Variants in HRK observed in about 807,000 individuals in gnomAD.
The protein encoded by HRK is harakiri, BCL2 interacting protein, also known as activator of apoptosis harakiri.
Under a neutral mutation model 5.9 loss-of-function variants are expected in HRK, and 6 were observed. The observed-to-expected ratio is 1.02, with a 90% CI of 0.56 to 2.01. HRK has a LOEUF of 2.01. Among genes scored for constraint, HRK ranks in the 30% most tolerant of loss-of-function variants. The pLI is 0.00. For synonymous variants in HRK, 85 were observed against 65.1 expected, an observed-to-expected ratio of 1.31 and a Z score of -1.47; for missense variants, 133 against 128.3, an observed-to-expected ratio of 1.04 and a Z score of -0.18.
At chr12:116,864,931 T>C (rs1878485497) in intron 1 of HRK, among the ~76,000 whole-genome samples, 1 of 152,260 alleles carries the variant, frequency 6.6e-6, no homozygotes, top group South Asian at 2.1e-4. Context: ...CGTAAAGAAT[T>C]TTCTCAGATG....
At chr12:116,867,457 A>G (rs1878587706) in intron 1 of HRK, among the ~76,000 whole-genome samples, 5 of 152,086 alleles carry the variant, frequency 3.3e-5, no homozygotes, top group Admixed American at 3.3e-4. Context: ...AAAAATTTTT[A>G]ATTAGCCAAT....
chr12:116,881,285 C>G lies in HRK; in HGVS notation c.23G>C (p.Arg8Pro), dbSNP rs1879147816. The change falls in exon 1 of 2, where the codon CGC (arginine) becomes CCC (proline). Residue 8 changes from arginine to proline, a missense_variant. Arg to Pro is a moderately radical substitution (Grantham distance 103, BLOSUM62 -2). Coordinates refer to ENST00000257572, the MANE Select transcript of HRK (RefSeq NM_003806.4). MCPCPLHRGRGPPAVCAC... is the reference protein window; with the variant it reads MCPCPLHPGRGPPAVCAC... Reference sequence around the variant, plus strand: ...GCACACGGCCGGGGGGCCGCGGCCGCGGTGCAGGGGGCACGGGCACATGAC... The same window carrying G: ...GCACACGGCCGGGGGGCCGCGGCCGGGGTGCAGGGGGCACGGGCACATGAC... 1 of 1,073,418 alleles carries G rather than the reference C, an allele frequency of 9.3e-7. No homozygotes were observed. The highest frequency in any genetic ancestry group is 1.1e-6 in the Non-Finnish European group (1 of 888,550). 66.5% of individuals were successfully genotyped at this position (1,073,418 alleles called of 1,614,324 possible).
chr12:116,876,741 T>C (rs1004535311), intron 1 of HRK: 2 of 150,630 alleles, frequency 1.3e-5, no homozygotes, highest in African/African-American at 4.9e-5. Flanking sequence ...TATTGACTGG[T>C]TAAATCATAC....
intron 1 of HRK, among the ~76,000 whole-genome samples, chr12:116,871,432 A>G (rs1259926872): frequency 6.6e-6 from 1 of 151,558 alleles, no homozygotes; most frequent in Non-Finnish European, 1.5e-5. Flanking sequence ...CCTCCCAAGT[A>G]GCTGGGACTA....
At chr12:116,877,073 AAG>A (rs1878960190) in intron 1 of HRK, among the ~76,000 whole-genome samples, 1 of 152,192 alleles carries the variant, frequency 6.6e-6, no homozygotes, top group Non-Finnish European at 1.5e-5. Context: ...TTTTTGAGAC[AAG>A]AGTCTCACTT....
rs551080792 is a variant in HRK, at chr12:116,880,829, T to C, written c.*56+147A>G. 11 of 326,520 alleles carry C rather than the reference T, an allele frequency of 3.4e-5. No individual in the cohort carries two copies. The Admixed American group carries it at 5.5e-4, about 16-fold the overall frequency. 20.2% of individuals were successfully genotyped at this position (326,520 alleles called of 1,614,324 possible). On this transcript the variant is annotated intron_variant, in intron 1 of 1. Coordinates refer to ENST00000257572, the MANE Select transcript of HRK (RefSeq NM_003806.4). ...TGGGGACTGGGTAGAAGAGGAGAGG[T>C]GGAGATGCTTGCAAGAGAAGAGAAC...
intron 1 of HRK, among the ~76,000 whole-genome samples, chr12:116,868,611 C>T (rs892857990): frequency 3.2e-4 from 49 of 152,332 alleles, no homozygotes; most frequent in Middle Eastern, 3.4e-3. Context: ...ATGAAATCAG[C>T]CATGTTATTA....
At position 116,857,380 on chromosome 12, in the gene HRK, C is replaced by T. The variant is rs1391503869; in HGVS notation, c.*4143G>A. The T allele has an allele frequency of 6.6e-6, 1 of 152,218 alleles. No homozygotes were observed. The allele number at this position is 152,218 out of a possible 1,614,324, so 9.4% of individuals were successfully genotyped here. A position where few individuals can be genotyped will look rare whatever the true frequency, so the allele number is the denominator to read the frequency against. On this transcript the variant is annotated 3_prime_UTR_variant, in exon 2 of 2. Transcript: ENST00000257572. ...CCCTCATGGAACTTCCAGTCAGCTC[C>T]ATGGGACTAAGAAGAGTGTCTAGCT...
intron 1 of HRK, among the ~76,000 whole-genome samples, chr12:116,868,075 C>A (rs569255668): frequency 1.3e-4 from 20 of 151,960 alleles, no homozygotes; most frequent in Non-Finnish European, 2.5e-4. Context: ...ATTGTTAGAT[C>A]TTTTCATTTT....
rs1878245220 is a variant in HRK at position 116,858,636 on chromosome 12, A to G, written c.*2887T>C. 1 of 150,650 alleles carries G rather than the reference A, an allele frequency of 6.6e-6. No homozygotes were observed. The highest frequency in any genetic ancestry group is 2.1e-4 in the South Asian group (1 of 4,758). The allele number at this position is 150,650 out of a possible 1,614,324, so 9.3% of individuals were successfully genotyped here. A position where few individuals can be genotyped will look rare whatever the true frequency, so the allele number is the denominator to read the frequency against. On this transcript the variant is annotated 3_prime_UTR_variant, in exon 2 of 2. Coordinates refer to ENST00000257572, the MANE Select transcript of HRK (RefSeq NM_003806.4). ...CACACACACACACTGCTGTCTGCTG[A>G]AACCCGATATGAGGTCTTTTTTAAA...
intron 1 of HRK, among the ~76,000 whole-genome samples, chr12:116,866,338 C>T (rs929195684): frequency 6.8e-6 from 1 of 146,440 alleles, no homozygotes; most frequent in Admixed American, 7.0e-5. Flanking sequence ...AGGAGGATTG[C>T]TTGAGCCCAG....
chr12:116,881,155 C>G lies in HRK; in HGVS notation c.153G>C (p.Arg51=). ...GCGCCCTCCGGCTCCGCGCGCGGCG[C>G]CGCCACATGGTGCGCTGGTGCAGCT... ...GDELHQRTMW[R]RRARSRRAPA... Residue 51 remains arginine, a synonymous_variant, in exon 1 of 2, where the codon CGG becomes CGC. Transcript: ENST00000257572. The G allele has an allele frequency of 1.7e-6, 2 of 1,182,194 alleles. No homozygotes were observed. Among genetic ancestry groups the G allele is most frequent in the Admixed American group, 4.5e-5 (1 of 22,044 alleles). 73.2% of individuals were successfully genotyped at this position (1,182,194 alleles called of 1,614,324 possible).
rs757715174 is a variant in HRK, at chr12:116,879,674, C to G, written c.*56+1302G>C. 3.3e-5 allele frequency: 5 copies of G among 152,180 alleles called. No homozygotes were observed. The highest frequency in any genetic ancestry group is 7.4e-5 in the Non-Finnish European group (5 of 68,012). 9.4% of individuals were successfully genotyped at this position (152,180 alleles called of 1,614,324 possible). ...AGCGCCCGGGCTGCGCGGGCCCACG[C>G]GACATCTGTCGCCTGCGGTCCCGGC... On this transcript the variant is annotated intron_variant, in intron 1 of 1. Coordinates refer to ENST00000257572, the MANE Select transcript of HRK (RefSeq NM_003806.4). The surrounding 1 kb of genome is among the most constrained non-coding windows in gnomAD (Gnocchi z 5.6).
At chr12:116,871,937 A>G (rs1269806121) in intron 1 of HRK, among the ~76,000 whole-genome samples, 3 of 140,834 alleles carry the variant, frequency 2.1e-5, no homozygotes, top group African/African-American at 8.0e-5. Context: ...TTTCTTTGAG[A>G]TGGGGGTCTC....
At chr12:116,871,685 G>A (rs1417767563) in intron 1 of HRK, among the ~76,000 whole-genome samples, 1 of 150,008 alleles carries the variant, frequency 6.7e-6, no homozygotes, top group East Asian at 2.0e-4. Context: ...GGAGTACAGT[G>A]GCGTGATCAC....
chr12:116,857,527 C>A lies in HRK; in HGVS notation c.*3996G>T, dbSNP rs1422421907. 4 of 152,132 alleles carry A rather than the reference C, an allele frequency of 2.6e-5. No individual in the cohort carries two copies. Among genetic ancestry groups the A allele is most frequent in the Non-Finnish European group, 5.9e-5 (4 of 68,030 alleles). The allele number at this position is 152,132 out of a possible 1,614,324, so 9.4% of individuals were successfully genotyped here. On this transcript the variant is annotated 3_prime_UTR_variant, in exon 2 of 2. Transcript: ENST00000257572. ...ATATCAGGTGGACACTCAAAAAGTC[C>A]ACAATGGTGAGCCACTGTCCCTAAA...
rs374156636 is a variant in HRK at position 116,863,750 on chromosome 12, G to A, written c.*57-2284C>T. On this transcript the variant is annotated intron_variant, in intron 1 of 1. Transcript: ENST00000257572. ...GTCTCGCTCTGCCACCCAGGCAGGAGTGCAGTGGCGCCATCATAGCTCACT... is the reference window on the plus strand; with the variant it reads ...GTCTCGCTCTGCCACCCAGGCAGGAATGCAGTGGCGCCATCATAGCTCACT... Among the ~76,000 whole-genome samples, 2 of 151,168 alleles carry A rather than the reference G, an allele frequency of 1.3e-5. 1 individual carries two copies.
At chr12:116,877,907 T>G (rs573903340) in intron 1 of HRK, among the ~76,000 whole-genome samples, 1 of 152,224 alleles carries the variant, frequency 6.6e-6, no homozygotes, top group Non-Finnish European at 1.5e-5. Context: ...TACACATATA[T>G]GTTTTAAATT....
At chr12:116,875,045 A>C (rs777112576) in intron 1 of HRK, among the ~76,000 whole-genome samples, 1 of 152,232 alleles carries the variant, frequency 6.6e-6, no homozygotes, top group African/African-American at 2.4e-5. Flanking sequence ...ACTATTGGAA[A>C]AAAAAATTTA....
Sources: allele counts gnomAD v4.1 joint callset (sites outside exome capture counted in the v4.1 genomes callset), GRCh38; gene constraint gnomAD v4.1.1; non-coding constraint Gnocchi (gnomAD v3.1); transcripts MANE v1.5; gene names NCBI Gene and HGNC (gene_info 2026-07-23, HGNC 2026-07-21).